The following MS4A8 variants were observed in gnomAD, a reference collection of about 807,000 sequenced individuals.
MS4A8 encodes membrane spanning 4-domains A8.
In MS4A8, 27 loss-of-function variants were observed where a neutral mutation model predicts 23.7. That is an observed-to-expected ratio of 1.14 (90% CI 0.84 to 1.57). The LOEUF (loss-of-function observed/expected upper bound fraction) is 1.57. Among genes scored for constraint, MS4A8 ranks in the 40% most tolerant of loss-of-function variants. The probability of loss-of-function intolerance (pLI) is 0.00; values close to 1 mark genes in which losing one functional copy is unlikely to be tolerated. For synonymous variants in MS4A8, 138 were observed against 126.3 expected (o/e 1.09, Z -0.62); for missense variants, 301 against 311.4 (o/e 0.97, Z 0.25).
Position 60,715,207 on chromosome 11 carries a change from T to G in MS4A8, c.648+73T>G, listed in dbSNP as rs113016618. On this transcript the variant is annotated intron_variant, in intron 6 of 6. Transcript: ENST00000300226. Reference sequence around the variant, plus strand: ...TGGAGACAAGGGAGCTCTTTGTGCTTTCCACTGCCTGCTCAGGAGCAGGAG... The same window carrying G: ...TGGAGACAAGGGAGCTCTTTGTGCTGTCCACTGCCTGCTCAGGAGCAGGAG... The G allele has an allele frequency of 3.0e-4, 450 of 1,491,366 alleles. 3 individuals carry two copies. In the African/African-American group the frequency reaches 3.3e-3, roughly 11 times the overall value. The allele number at this position is 1,491,366 out of a possible 1,614,324, so 92.4% of individuals were successfully genotyped here. A position where few individuals can be genotyped will look rare whatever the true frequency, so the allele number is the denominator to read the frequency against.
chr11:60,710,302 A>C (rs1034157112), intron 5 of MS4A8, among the ~76,000 whole-genome samples: 1 of 152,140 alleles, frequency 6.6e-6, no homozygotes, highest in East Asian at 1.9e-4. Context: ...CCAATGGTCA[A>C]CTCAATAGCT....
chr11:60,711,480 T>C (rs1250801131), intron 5 of MS4A8, among the ~76,000 whole-genome samples: 1 of 152,176 alleles, frequency 6.6e-6, no homozygotes, highest in African/African-American at 2.4e-5. Flanking sequence ...AAGTCCAAAT[T>C]CCTCAGCCAG....
At chr11:60,707,627 G>C (rs2088267579) in intron 4 of MS4A8, among the ~76,000 whole-genome samples, 2 of 152,126 alleles carry the variant, frequency 1.3e-5, no homozygotes, top group African/African-American at 4.8e-5. Context: ...AACCAGATGA[G>C]ATCTATTTGA....
rs1213893118 is a variant in MS4A8, at chr11:60,703,427, T to A, written c.269T>A (p.Met90Lys). The change falls in exon 3 of 7, where the codon ATG (methionine) becomes AAG (lysine). Residue 90 changes from methionine (M) to lysine (K), a missense_variant. Transcript: ENST00000300226. ...GLAHIGLGSI[M>K]ATVLVGEYLS... ...GCTCACATCGGCCTCGGCTCCATCA[T>A]GGCGACGGTTCTCGTAGGGGAATAC... 6.2e-7 allele frequency: 1 copy of A among 1,605,200 alleles called. No individual in the cohort carries two copies. The highest frequency in any genetic ancestry group is 8.5e-7 in the Non-Finnish European group (1 of 1,176,554).
At chr11:60,703,307 A>T in intron 2 of MS4A8, 71 bp from the exon 3 acceptor site, 1 of 1,431,624 alleles carries the variant, frequency 7.0e-7, no homozygotes, top group Non-Finnish European at 9.2e-7. Context: ...TATTAAAATT[A>T]AAAGGAGGCT....
At chr11:60,705,109 C>T (rs768085799) in intron 3 of MS4A8, among the ~76,000 whole-genome samples, 2 of 152,232 alleles carry the variant, frequency 1.3e-5, no homozygotes, top group Non-Finnish European at 2.9e-5. Context: ...CCATCCCCGA[C>T]AGCCACACAA....
chr11:60,704,812 C>CCACA (rs759471971), intron 3 of MS4A8, among the ~76,000 whole-genome samples: 127 of 139,126 alleles, frequency 9.1e-4, no homozygotes, highest in Non-Finnish European at 1.5e-3. Context: ...GTCCCCCTGC[C>CCACA]CACACACACA....
At chr11:60,703,310 A>T in intron 2 of MS4A8, 68 bp from the exon 3 acceptor site, 1 of 1,437,664 alleles carries the variant, frequency 7.0e-7, no homozygotes, top group Non-Finnish European at 9.1e-7. Flanking sequence ...TAAAATTAAA[A>T]GGAGGCTCAT....
At chr11:60,707,085 A>G in intron 4 of MS4A8, 38 bp downstream of exon 4, 1 of 1,576,794 alleles carries the variant, frequency 6.3e-7, no homozygotes, top group Non-Finnish European at 8.7e-7. Context: ...CCAACTGGAG[A>G]CCTATAGAAT....
chr11:60,712,522 G>A (rs555516281), intron 5 of MS4A8: 22 of 984,956 alleles, frequency 2.2e-5, no homozygotes, highest in East Asian at 2.3e-4. Flanking sequence ...GGCCGGTCAC[G>A]GTGGCTCACA....
At chr11:60,701,601 T>C in intron 2 of MS4A8, 1 of 256,744 alleles carries the variant, frequency 3.9e-6, no homozygotes, top group Non-Finnish European at 7.8e-6. Flanking sequence ...CTGCCCGAGC[T>C]CCAACCCTAG....
chr11:60,700,829 G>A (rs1479920098), intron 1 of MS4A8, 31 bp from the exon 2 acceptor site: 1 of 1,610,990 alleles, frequency 6.2e-7, no homozygotes, highest in East Asian at 2.2e-5. Flanking sequence ...CATATGTGAG[G>A]GAAAATTCTC....
chr11:60,711,976 G>A (rs567982073), intron 5 of MS4A8: 25 of 270,630 alleles, frequency 9.2e-5, no homozygotes, highest in Admixed American at 7.8e-4. Context: ...GAGATACTCC[G>A]GGGTTTCCAC....
At chr11:60,712,415 A>C (rs1230206973) in intron 5 of MS4A8, 2 of 985,400 alleles carry the variant, frequency 2.0e-6, no homozygotes, top group Non-Finnish European at 2.4e-6. Flanking sequence ...GAAGGAGAAG[A>C]AAAGGGGCTA....
chr11:60,713,224 C>A (rs2088314229), intron 5 of MS4A8, among the ~76,000 whole-genome samples: 1 of 152,046 alleles, frequency 6.6e-6, no homozygotes, highest in African/African-American at 2.4e-5. Context: ...GTGGGTGTTT[C>A]TCGTTAGGTG....
At chr11:60,712,810 A>T (rs191883329) in intron 5 of MS4A8, among the ~76,000 whole-genome samples, 6,912 of 152,096 alleles carry the variant, frequency 0.045, 493 homozygotes, top group African/African-American at 0.16. Context: ...AAAAAATTAA[A>T]AAATCATAAT....
intron 2 of MS4A8, among the ~76,000 whole-genome samples, chr11:60,701,848 G>C (rs2088207547): frequency 6.6e-6 from 1 of 152,094 alleles, no homozygotes; most frequent in African/African-American, 2.4e-5. Context: ...TCAGTATATT[G>C]GTTAAGTCAG....
Position 60,701,038 on chromosome 11 carries a change from C to T in MS4A8, c.178C>T (p.Gln60Ter), listed in dbSNP as rs1443436430. 6 of 1,614,170 alleles carry T rather than the reference C, an allele frequency of 3.7e-6. No homozygotes were observed. The highest frequency in any genetic ancestry group is 5.1e-6 in the Non-Finnish European group (6 of 1,180,030). ...TAGTTTGGTGTCGAATGTGAATGGG[C>T]AGCCTGTGCAGAAAGCTCTGAAAGA... ...PPSLVSNVNGQPVQKALKEGK... is the reference protein window; with the variant it reads ...PPSLVSNVNG Residue 60 changes from glutamine (Q) to a stop codon, truncating the protein, a stop_gained, in exon 2 of 7, where the codon CAG becomes TAG. Coordinates refer to ENST00000300226, the MANE Select transcript of MS4A8 (RefSeq NM_031457.2). LOFTEE classifies it high-confidence loss of function.
rs571443386 is a variant in MS4A8 at position 60,708,076 on chromosome 11, G to A, written c.403-574G>A. On this transcript the variant is annotated intron_variant, in intron 4 of 6. Transcript: ENST00000300226. Reference sequence around the variant, plus strand: ...TTGGCCAGGCTGGTCTTGAACTCCTGACCTCAGGTGATCCACCTGCCTCAG... The same window carrying A: ...TTGGCCAGGCTGGTCTTGAACTCCTAACCTCAGGTGATCCACCTGCCTCAG... Among the ~76,000 whole-genome samples, 6 of 152,106 alleles carry A rather than the reference G, an allele frequency of 3.9e-5. No individual in the cohort carries two copies. The East Asian group carries it at 9.6e-4, about 24-fold the overall frequency.
Sources: gnomAD v4.1 joint callset for allele counts (sites outside exome capture counted in the v4.1 genomes callset) on GRCh38, gnomAD v4.1.1 for gene constraint, MANE v1.5 for transcripts, NCBI Gene and HGNC (gene_info 2026-07-23, HGNC 2026-07-21) for gene names.